Variants in CTTNBP2 observed in about 807,000 individuals in gnomAD.
CTTNBP2 encodes the protein cortactin-binding protein 2.
In CTTNBP2, 108 loss-of-function variants were observed where a neutral mutation model predicts 156.9. The observed-to-expected ratio is 0.69, with a 90% CI of 0.59 to 0.81. The LOEUF (loss-of-function observed/expected upper bound fraction) is 0.81, where lower values mean the gene tolerates loss of function less well. Among genes scored for constraint, CTTNBP2 ranks in the 30% least tolerant of loss-of-function variants. The probability of loss-of-function intolerance (pLI) is 0.00; values close to 1 mark genes in which losing one functional copy is unlikely to be tolerated. For missense variants in CTTNBP2, 1,924 were observed against 2,035.4 expected, an observed-to-expected ratio of 0.95 and a Z score of 1.05; for synonymous variants, 767 against 751.8, an observed-to-expected ratio of 1.02 and a Z score of -0.33.
intron 17 of CTTNBP2, among the ~76,000 whole-genome samples, chr7:117,726,715 C>T (rs1204699093): frequency 2.0e-5 from 3 of 152,146 alleles, no homozygotes; most frequent in African/African-American, 7.2e-5. Context: ...CTTTAGAAAC[C>T]TTGGAGGGAT....
chr7:117,742,329 GT>G (rs1796062722), intron 14 of CTTNBP2, among the ~76,000 whole-genome samples: 1 of 152,216 alleles, frequency 6.6e-6, no homozygotes, highest in African/African-American at 2.4e-5. Flanking sequence ...GACATGCAGA[GT>G]GGAAAAGCAA....
chr7:117,854,201 T>C (rs1279837449), intron 2 of CTTNBP2, among the ~76,000 whole-genome samples: 1 of 152,230 alleles, frequency 6.6e-6, no homozygotes, highest in Admixed American at 6.5e-5. Context: ...AAATTAATTT[T>C]TGTTTTCATA....
intron 20 of CTTNBP2, among the ~76,000 whole-genome samples, chr7:117,720,315 A>G (rs781148525): frequency 5.3e-5 from 8 of 152,212 alleles, no homozygotes; most frequent in Non-Finnish European, 7.3e-5. Context: ...AACTGCCTAA[A>G]CATTTCTATA....
Position 117,791,936 on chromosome 7 carries a change from C to G in CTTNBP2, c.1260G>C (p.Ser420=). The G allele has an allele frequency of 6.2e-7, 1 of 1,614,008 alleles. No homozygotes were observed. Among genetic ancestry groups the G allele is most frequent in the Non-Finnish European group, 8.5e-7 (1 of 1,180,026 alleles). ...GTAAACTGTGCATAGGTGGAGCTTGCGAGTTCTGAGGAGCTATGCCTGGTG... is the reference window on the plus strand; with the variant it reads ...GTAAACTGTGCATAGGTGGAGCTTGGGAGTTCTGAGGAGCTATGCCTGGTG... ...AQTPGIAPQN[S]QAPPMHSLHS... is the part of the protein sequence containing the mutation. The change falls in exon 4 of 23, where the codon TCG becomes TCC. Residue 420 remains serine, a synonymous_variant. Coordinates refer to ENST00000160373, the MANE Select transcript of CTTNBP2 (RefSeq NM_033427.3).
chr7:117,796,338 A>T (rs1449162449), intron 3 of CTTNBP2, among the ~76,000 whole-genome samples: 1 of 152,216 alleles, frequency 6.6e-6, no homozygotes, highest in African/African-American at 2.4e-5. Flanking sequence ...TATATTAAAA[A>T]ATCTTTGACC....
intron 14 of CTTNBP2, among the ~76,000 whole-genome samples, chr7:117,742,377 G>T (rs144800299): frequency 6.6e-6 from 1 of 152,338 alleles, no homozygotes; most frequent in East Asian, 1.9e-4. Context: ...TTCTGCTGGA[G>T]CATGGGTATC....
In CTTNBP2 at chr7:117,718,030, T is replaced by C. The variant is rs772326680; in HGVS notation, c.4734A>G (p.Pro1578=). The C allele has an allele frequency of 2.5e-6, 4 of 1,604,750 alleles. No individual in the cohort carries two copies. The South Asian group carries it at 4.4e-5, about 18-fold the overall frequency. ...LSATINNLRM[P]VSQKEVSPLS... ...AAGGGACACTTACCTTTTGTGACAC[T>C]GGCATTCTCAGATTATTAATAGTTG... The change falls in exon 22 of 23, where the codon CCA becomes CCG. Residue 1578 remains proline (P), a synonymous_variant. Coordinates refer to ENST00000160373, the MANE Select transcript of CTTNBP2 (RefSeq NM_033427.3).
In CTTNBP2 at chr7:117,777,760, G is replaced by C. The variant is rs1262413978; in HGVS notation, c.2529C>G (p.Gly843=). 1 of 1,602,700 alleles carries C rather than the reference G, an allele frequency of 6.2e-7. No individual in the cohort carries two copies. The highest frequency in any genetic ancestry group is 8.5e-7 in the Non-Finnish European group (1 of 1,171,688). The change falls in exon 8 of 23, where the codon GGC becomes GGG. Residue 843 remains glycine (G), a synonymous_variant. Coordinates refer to ENST00000160373, the MANE Select transcript of CTTNBP2 (RefSeq NM_033427.3). ...CCACAGCTGCGTGAACTGGTGTCCA[G>C]CCATCCTGAAAATAAAATGACCAGG... The part of the protein sequence containing the change: ...GTNRSVKTTD[G]WTPVHAAVDT...
At chr7:117,717,723 T>G (rs1490376004) in intron 22 of CTTNBP2, among the ~76,000 whole-genome samples, 3 of 150,274 alleles carry the variant, frequency 2.0e-5, no homozygotes, top group Non-Finnish European at 4.4e-5. Flanking sequence ...CTACAATATT[T>G]CTAGTTTTGT....
At chr7:117,783,776 C>T (rs186784196) in intron 5 of CTTNBP2, among the ~76,000 whole-genome samples, 1 of 152,214 alleles carries the variant, frequency 6.6e-6, no homozygotes, top group East Asian at 1.9e-4. Flanking sequence ...TTTTAAAGAA[C>T]AAGAATAATT....
chr7:117,826,364 T>C lies in CTTNBP2; in HGVS notation c.190-15375A>G, dbSNP rs79168333. 9.0e-3 allele frequency among the ~76,000 whole-genome samples: 1,365 copies of C among 152,258 alleles called. 21 individuals carry two copies. The highest frequency in any genetic ancestry group is 0.031 in the African/African-American group (1,286 of 41,542). On this transcript the variant is annotated intron_variant, in intron 2 of 22. Transcript: ENST00000160373. ...CTTAAAAAATGAAACAGAATCCTGTTTCAATGCCATTCTTTAATACATGAA... is the reference window on the plus strand; with the variant it reads ...CTTAAAAAATGAAACAGAATCCTGTCTCAATGCCATTCTTTAATACATGAA...
intron 14 of CTTNBP2, among the ~76,000 whole-genome samples, chr7:117,744,188 T>C (rs1223025882): frequency 6.6e-6 from 1 of 152,234 alleles, no homozygotes; most frequent in Admixed American, 6.5e-5. Context: ...CTCCTTCTAG[T>C]TATTTTACAA....
At chr7:117,871,150 A>G (rs1246789317) in intron 1 of CTTNBP2, among the ~76,000 whole-genome samples, 1 of 152,252 alleles carries the variant, frequency 6.6e-6, no homozygotes, top group Non-Finnish European at 1.5e-5. Flanking sequence ...AATAAAAAAT[A>G]TCAGTCAACA....
At chr7:117,867,779 G>C (rs1260285023) in intron 1 of CTTNBP2, among the ~76,000 whole-genome samples, 1 of 152,266 alleles carries the variant, frequency 6.6e-6, no homozygotes, top group East Asian at 1.9e-4. Context: ...CATATAGTAC[G>C]AGAACATGAG....
intron 1 of CTTNBP2, among the ~76,000 whole-genome samples, chr7:117,861,862 T>C (rs1803778719): frequency 6.6e-6 from 1 of 152,072 alleles, no homozygotes; most frequent in Non-Finnish European, 1.5e-5. Flanking sequence ...TTGTTGTTTT[T>C]CATTTAGCCA....
intron 1 of CTTNBP2, among the ~76,000 whole-genome samples, chr7:117,868,932 C>T (rs750903713): frequency 6.6e-6 from 1 of 152,150 alleles, no homozygotes; most frequent in Non-Finnish European, 1.5e-5. Context: ...CCTGCCCATT[C>T]TTTCCTTTTA....
intron 9 of CTTNBP2, among the ~76,000 whole-genome samples, chr7:117,763,998 C>G (rs1175618169): frequency 6.6e-6 from 1 of 151,976 alleles, no homozygotes; most frequent in Non-Finnish European, 1.5e-5. Flanking sequence ...TGCTTTTCCC[C>G]TCACCCTGTA....
Position 117,711,540 on chromosome 7 carries a change from T to C in CTTNBP2, c.4989A>G (p.Lys1663=). The stretch of plus-strand genomic sequence containing the variant: ...AATGAGAATATTGTAGGCAGGCCTA[T>C]TTGTTAGGTTTTTCTAGGTGTTCAT... ...HKNEHLEKPN[K] The change falls in exon 23 of 23, where the codon AAA becomes AAG. Residue 1663 remains lysine (K), a synonymous_variant. Coordinates refer to ENST00000160373, the MANE Select transcript of CTTNBP2 (RefSeq NM_033427.3). 1 of 1,611,864 alleles carries C rather than the reference T, an allele frequency of 6.2e-7. No individual in the cohort carries two copies.
At chr7:117,768,251 A>G (rs936153465) in intron 8 of CTTNBP2, among the ~76,000 whole-genome samples, 1 of 152,074 alleles carries the variant, frequency 6.6e-6, no homozygotes, top group Non-Finnish European at 1.5e-5. Context: ...TTCCTAATAT[A>G]AAATATTTTT....
Sources: allele counts gnomAD v4.1 joint callset (sites outside exome capture counted in the v4.1 genomes callset), GRCh38; gene constraint gnomAD v4.1.1; transcripts MANE v1.5; gene names NCBI Gene and HGNC (gene_info 2026-07-23, HGNC 2026-07-21).